The following MYO1H variants were observed in gnomAD, a reference collection of about 807,000 sequenced individuals.
MYO1H encodes unconventional myosin-Ih.
In MYO1H, 118 loss-of-function variants were observed where a neutral mutation model predicts 149.3. The ratio of observed to expected loss-of-function variants is 0.79; its 90% CI spans 0.68 to 0.92. The LOEUF (loss-of-function observed/expected upper bound fraction) is 0.92, where lower values mean the gene tolerates loss of function less well. MYO1H is among the 40% of genes least tolerant of loss of function. MYO1H has a pLI of 0.00. For missense variants in MYO1H, 1,212 were observed against 1,280.7 expected, an observed-to-expected ratio of 0.95 and a Z score of 0.82; for synonymous variants, 447 against 465.2, an observed-to-expected ratio of 0.96 and a Z score of 0.50.
At chr12:109,387,031 TGTGTGTGTGTA>T (rs1158202194) in intron 1 of MYO1H, among the ~76,000 whole-genome samples, 95 of 117,078 alleles carry the variant, frequency 8.1e-4, no homozygotes, top group African/African-American at 3.6e-3. Flanking sequence ...TGTGTGTGTG[TGTGTGTGTGTA>T]GTGTAGTGTA....
intron 30 of MYO1H, 64 bp downstream of exon 30, chr12:109,444,593 G>C (rs148654973): frequency 1.6e-5 from 21 of 1,299,898 alleles, no homozygotes; most frequent in Non-Finnish European, 2.3e-5. Context: ...AAGGCCGAGC[G>C]TGGTGGCTCA....
At chr12:109,389,716 CTG>C (rs1008023977) in intron 2 of MYO1H, among the ~76,000 whole-genome samples, 1 of 152,048 alleles carries the variant, frequency 6.6e-6, no homozygotes, top group Non-Finnish European at 1.5e-5. Flanking sequence ...CATAGTGTCC[CTG>C]TGTGTGTCGT....
In MYO1H at chr12:109,436,622, T is replaced by C. The variant is rs1871872934; in HGVS notation, c.2209+66T>C. 7 of 1,109,394 alleles carry C rather than the reference T, an allele frequency of 6.3e-6. 1 individual carries two copies. The highest frequency in any genetic ancestry group is 9.4e-6 in the Non-Finnish European group (7 of 745,930). The allele number at this position is 1,109,394 out of a possible 1,614,324, so 68.7% of individuals were successfully genotyped here. On this transcript the variant is annotated intron_variant, in intron 22 of 31. Transcript: ENST00000310903. ...CATCTGCTTGGCACCTGGGGGCACA[T>C]TTGTGAGTTCTCTCCCCCTGCTCAT...
At chr12:109,350,755 T>C (rs569513939) in intron 1 of MYO1H, among the ~76,000 whole-genome samples, 4 of 152,354 alleles carry the variant, frequency 2.6e-5, no homozygotes, top group Non-Finnish European at 2.9e-5. Flanking sequence ...TTCCTGACTT[T>C]ATAACACATC....
the MYO1H span, among the ~76,000 whole-genome samples, chr12:109,327,174 C>T: frequency 1.4e-5 from 2 of 139,346 alleles, no homozygotes; most frequent in Admixed American, 1.5e-4. Context: ...CCTCTGTCAC[C>T]CAGGCTGGAG....
intron 7 of MYO1H, among the ~76,000 whole-genome samples, chr12:109,405,005 G>A (rs1034435961): frequency 2.6e-5 from 4 of 152,052 alleles, no homozygotes; most frequent in African/African-American, 9.7e-5. Context: ...GAGGCTAGCA[G>A]TTTGAGACTA....
intron 1 of MYO1H, among the ~76,000 whole-genome samples, chr12:109,371,176 T>C (rs907962979): frequency 3.3e-5 from 5 of 151,978 alleles, no homozygotes; most frequent in Non-Finnish European, 5.9e-5. Flanking sequence ...TAAGCATCTA[T>C]GTGTACACAC....
At chr12:109,331,925 T>C in the MYO1H span, among the ~76,000 whole-genome samples, 1 of 152,240 alleles carries the variant, frequency 6.6e-6, no homozygotes, top group Admixed American at 6.5e-5. Flanking sequence ...AGTACAAAGA[T>C]CAGATTTTGG....
chr12:109,380,871 G>A (rs537556093), intron 1 of MYO1H, among the ~76,000 whole-genome samples: 15 of 152,236 alleles, frequency 9.9e-5, no homozygotes, highest in Non-Finnish European at 1.5e-4. Context: ...ACTTGAACCC[G>A]GGAGGCAGAG....
At chr12:109,318,691 G>C in the MYO1H span, among the ~76,000 whole-genome samples, 3 of 152,020 alleles carry the variant, frequency 2.0e-5, 1 homozygote, top group African/African-American at 7.2e-5. Flanking sequence ...AATTGTCAAG[G>C]TCATGAAAAA....
intron 3 of MYO1H, among the ~76,000 whole-genome samples, chr12:109,395,332 T>A (rs1177034988): frequency 6.6e-6 from 1 of 152,266 alleles, no homozygotes. Flanking sequence ...GACAAGATTG[T>A]TATTTTCATC....
chr12:109,340,314 G>A, the MYO1H span, among the ~76,000 whole-genome samples: 5 of 152,102 alleles, frequency 3.3e-5, no homozygotes, highest in African/African-American at 1.2e-4. Context: ...CCGAGTAGCT[G>A]GGATTACAGG....
intron 16 of MYO1H, 119 bp downstream of exon 16, chr12:109,421,146 C>T (rs1238702180): frequency 1.6e-6 from 1 of 643,766 alleles, no homozygotes; most frequent in African/African-American, 1.8e-5. Context: ...TATTAGAACT[C>T]CAGCATGTCA....
the MYO1H span, among the ~76,000 whole-genome samples, chr12:109,329,872 G>A: frequency 3.9e-5 from 6 of 152,204 alleles, no homozygotes; most frequent in East Asian, 3.9e-4. Flanking sequence ...AGAATTCCAC[G>A]TTGTGATCAA....
chr12:109,334,744 T>A, the MYO1H span, among the ~76,000 whole-genome samples: 2 of 152,224 alleles, frequency 1.3e-5, no homozygotes, highest in African/African-American at 4.8e-5. Context: ...TCTGGCTTGT[T>A]ATTTGTGTTG....
rs545578811 is a variant in MYO1H at position 109,439,923 on chromosome 12, G to A, written c.2454+133G>A. ...TGGCAAAGCCCTTCTTCCCAAGGAT[G>A]CTGCACAAGAAATTGAACTCCTCAG... On this transcript the variant is annotated intron_variant, in intron 24 of 31. Coordinates refer to ENST00000310903, the Ensembl canonical transcript of MYO1H. 3.2e-5 allele frequency: 25 copies of A among 781,102 alleles called. No homozygotes were observed. The East Asian group carries it at 6.7e-4, about 21-fold the overall frequency. The allele number at this position is 781,102 out of a possible 1,614,324, so 48.4% of individuals were successfully genotyped here.
rs567278950 is a variant in MYO1H at position 109,415,558 on chromosome 12, G to A, written c.1535G>A (p.Arg512Lys). 74 of 1,608,106 alleles carry A rather than the reference G, an allele frequency of 4.6e-5. No individual in the cohort carries two copies. In the Admixed American group the frequency reaches 4.9e-4, roughly 11 times the overall value. Residue 512 changes from arginine to lysine, a missense_variant, in exon 15 of 32, where the codon AGG (arginine) becomes AAG (lysine). Physicochemically the swap from Arg to Lys is conservative, Grantham distance 26. Coordinates refer to ENST00000310903, the Ensembl canonical transcript of MYO1H. ...CTGGCTGGTCCAAAGGGCCGAAAGAGGATTGGCTGGATGGAGTTCCGACTC... is the reference window on the plus strand; with the variant it reads ...CTGGCTGGTCCAAAGGGCCGAAAGAAGATTGGCTGGATGGAGTTCCGACTC...
chr12:109,418,780 G>A (rs12582256), intron 15 of MYO1H, among the ~76,000 whole-genome samples: 39,994 of 151,884 alleles, frequency 0.26, 5,440 homozygotes, highest in East Asian at 0.35. Context: ...TCCTGACCTC[G>A]TGATCCACCC....
intron 13 of MYO1H, among the ~76,000 whole-genome samples, chr12:109,411,085 T>C (rs1054428643): frequency 2.0e-5 from 3 of 152,008 alleles, no homozygotes; most frequent in South Asian, 4.1e-4. Context: ...GAGGTTGCAG[T>C]GAGCTGAGAT....
Sources: allele counts gnomAD v4.1 joint callset (sites outside exome capture counted in the v4.1 genomes callset), GRCh38; gene constraint gnomAD v4.1.1; transcripts MANE v1.5; gene names NCBI Gene and HGNC (gene_info 2026-07-23, HGNC 2026-07-21).